The following YPEL2 variants were observed in gnomAD, a reference collection of about 807,000 sequenced individuals.
YPEL2 encodes protein yippee-like 2.
Under a neutral mutation model 19.1 loss-of-function variants are expected in YPEL2, and 2 were observed. That is an observed-to-expected ratio of 0.10 (90% CI 0.04 to 0.33). The LOEUF (loss-of-function observed/expected upper bound fraction) is 0.33, where lower values mean the gene tolerates loss of function less well. Ranked by LOEUF, YPEL2 falls within the 10% of genes least tolerant of loss-of-function variation. YPEL2 has a pLI of 1.00. For missense variants in YPEL2, 66 were observed against 140.7 expected (o/e 0.47, Z 2.68); for synonymous variants, 52 against 50.0 (o/e 1.04, Z -0.17).
chr17:59,387,893 A>G (rs2047988819), intron 2 of YPEL2, among the ~76,000 whole-genome samples: 1 of 152,230 alleles, frequency 6.6e-6, no homozygotes, highest in Non-Finnish European at 1.5e-5. Flanking sequence ...AGCTGGACCA[A>G]GAGGCCAAGC....
chr17:59,334,470 C>T lies in YPEL2; in HGVS notation c.-196+2646C>T, dbSNP rs575302752. Among the ~76,000 whole-genome samples, 3 of 151,958 alleles carry T rather than the reference C, an allele frequency of 2.0e-5. No homozygotes were observed. The South Asian group carries it at 6.3e-4, about 32-fold the overall frequency. Reference sequence around the variant, plus strand: ...CAAGTTCCCATACCTCCTGGGCTACCCCAGTCCTGGTTACTTCCCATTGTG... The same window carrying T: ...CAAGTTCCCATACCTCCTGGGCTACTCCAGTCCTGGTTACTTCCCATTGTG... On this transcript the variant is annotated intron_variant, in intron 1 of 4. Transcript: ENST00000312655.
chr17:59,340,201 C>T (rs570060141), intron 1 of YPEL2, among the ~76,000 whole-genome samples: 11 of 151,824 alleles, frequency 7.2e-5, no homozygotes, highest in Non-Finnish European at 8.8e-5. Context: ...TCCACCCCCC[C>T]AGGTTCAAGC....
At chr17:59,357,780 C>A (rs2047820287) in intron 2 of YPEL2, among the ~76,000 whole-genome samples, 1 of 152,122 alleles carries the variant, frequency 6.6e-6, no homozygotes, top group Non-Finnish European at 1.5e-5. Flanking sequence ...CCCTTGATGG[C>A]ATTGTGGAGT....
At chr17:59,395,564 C>G (rs1317782659) in intron 4 of YPEL2, among the ~76,000 whole-genome samples, 3 of 152,156 alleles carry the variant, frequency 2.0e-5, no homozygotes, top group African/African-American at 7.2e-5. Context: ...AGAAAAGTCA[C>G]CTGCCAGGTG....
At chr17:59,389,128 C>A in intron 3 of YPEL2, 1 of 527,356 alleles carries the variant, frequency 1.9e-6, no homozygotes. Flanking sequence ...AACTCTCAAC[C>A]ATAAAGATTA....
intron 2 of YPEL2, among the ~76,000 whole-genome samples, chr17:59,357,938 G>T (rs2047821178): frequency 6.6e-6 from 1 of 152,174 alleles, no homozygotes; most frequent in Admixed American, 6.5e-5. Context: ...TCCAGTGGAG[G>T]TGGGATGAGG....
intron 2 of YPEL2, among the ~76,000 whole-genome samples, chr17:59,371,071 TGTCTAGTCG>T (rs1197580657): frequency 4.6e-5 from 7 of 152,174 alleles, no homozygotes; most frequent in Non-Finnish European, 8.8e-5. Context: ...AGCACAGGCC[TGTCTAGTCG>T]GTCCCTTCCT....
chr17:59,383,831 G>A (rs541768785), intron 2 of YPEL2, among the ~76,000 whole-genome samples: 12 of 151,394 alleles, frequency 7.9e-5, no homozygotes, highest in Admixed American at 3.3e-4. Context: ...AGATTCATCC[G>A]TGTTGTTCTG....
At chr17:59,339,102 GCCCCCC>G (rs2047714080) in intron 1 of YPEL2, among the ~76,000 whole-genome samples, 2 of 127,894 alleles carry the variant, frequency 1.6e-5, no homozygotes, top group African/African-American at 2.8e-5. Context: ...GGATATCTGC[GCCCCCC>G]ACCCCCACCC....
intron 4 of YPEL2, among the ~76,000 whole-genome samples, chr17:59,393,652 AC>A (rs1488196164): frequency 6.8e-6 from 1 of 146,254 alleles, no homozygotes; most frequent in African/African-American, 2.6e-5. Context: ...TAGGCAGAGG[AC>A]CCTGCGGCCT....
At chr17:59,370,917 C>T (rs1449549880) in intron 2 of YPEL2, among the ~76,000 whole-genome samples, 4 of 152,172 alleles carry the variant, frequency 2.6e-5, no homozygotes, top group African/African-American at 7.2e-5. Context: ...GGGGGAGTGA[C>T]CCTGTGCAGT....
intron 2 of YPEL2, among the ~76,000 whole-genome samples, chr17:59,360,470 G>C (rs537103352): frequency 1.3e-5 from 2 of 152,316 alleles, no homozygotes; most frequent in Non-Finnish European, 2.9e-5. Context: ...AATAAGTCCA[G>C]TTGCAAGACA....
intron 2 of YPEL2, among the ~76,000 whole-genome samples, chr17:59,370,119 C>T (rs924115875): frequency 6.6e-5 from 10 of 152,184 alleles, no homozygotes; most frequent in Non-Finnish European, 1.0e-4. Context: ...TGCAGTGGCG[C>T]GATCTGGGCT....
chr17:59,399,865 G>A lies in YPEL2; in HGVS notation c.*2675G>A, dbSNP rs188002479. ...AAGACCTCATTCATTCACCCCAGGT[G>A]GGTTGGGGTAATTGGAGTTTGTTGG... On this transcript the variant is annotated 3_prime_UTR_variant, in exon 5 of 5. Transcript: ENST00000312655. The A allele has an allele frequency of 2.6e-5, 4 of 152,754 alleles. No homozygotes were observed. In the East Asian group the frequency reaches 7.7e-4, roughly 29 times the overall value. 9.5% of individuals were successfully genotyped at this position (152,754 alleles called of 1,614,324 possible).
At chr17:59,355,930 G>C (rs1385631318) in intron 2 of YPEL2, 1 of 152,180 alleles carries the variant, frequency 6.6e-6, no homozygotes, top group Non-Finnish European at 1.5e-5. Flanking sequence ...TGACTGTGGG[G>C]AGAGCTGAGG....
intron 4 of YPEL2, among the ~76,000 whole-genome samples, chr17:59,391,910 CAA>C (rs35971375): frequency 6.8e-5 from 10 of 146,600 alleles, no homozygotes; most frequent in East Asian, 2.0e-4. Flanking sequence ...AAAAAACAAG[CAA>C]AAAAAAAAAA....
chr17:59,334,390 TG>T lies in YPEL2; in HGVS notation c.-196+2575del, dbSNP rs75456294. ...AGGCAGGCAGGTGACTCTTTTTATT[TG>T]GGGGGGGGTGAGGAGTCAGGAGTTT... is the stretch of plus-strand genomic sequence containing the variant. On this transcript the variant is annotated intron_variant, in intron 1 of 4. Coordinates refer to ENST00000312655, the MANE Select transcript of YPEL2 (RefSeq NM_001005404.4). Among the ~76,000 whole-genome samples, 104 of 135,952 alleles carry T rather than the reference TG, an allele frequency of 7.6e-4. 1 individual carries two copies. Among genetic ancestry groups the T allele is most frequent in the Admixed American group, 2.8e-3 (37 of 13,040 alleles). The allele number at this position is 135,952 out of a possible 152,430, so 89.2% of individuals were successfully genotyped here. A position where few individuals can be genotyped will look rare whatever the true frequency, so the allele number is the denominator to read the frequency against.
chr17:59,346,131 C>G (rs1471419400), intron 1 of YPEL2, among the ~76,000 whole-genome samples: 2 of 152,150 alleles, frequency 1.3e-5, no homozygotes, highest in Non-Finnish European at 1.5e-5. Context: ...AATTCCACCT[C>G]TCTCTTTTTT....
intron 3 of YPEL2, chr17:59,388,717 A>G (rs1208968913): frequency 6.8e-6 from 2 of 295,320 alleles, no homozygotes; most frequent in Non-Finnish European, 1.3e-5. Flanking sequence ...AAAAGACACC[A>G]AGATCTGCTG....
Sources: gnomAD v4.1 joint callset for allele counts (sites outside exome capture counted in the v4.1 genomes callset) on GRCh38, gnomAD v4.1.1 for gene constraint, MANE v1.5 for transcripts, NCBI Gene and HGNC (gene_info 2026-07-23, HGNC 2026-07-21) for gene names.